The following FAM83H variants were observed in gnomAD, a reference collection of about 807,000 sequenced individuals.
FAM83H encodes the protein scaffolding CK1 anchoring protein H, also known as protein FAM83H.
Under a neutral mutation model 30.2 loss-of-function variants are expected in FAM83H, and 24 were observed. The observed-to-expected ratio is 0.79, with a 90% CI of 0.57 to 1.12. The LOEUF (loss-of-function observed/expected upper bound fraction) is 1.12, where lower values mean the gene tolerates loss of function less well. Ranked by LOEUF, FAM83H falls within the 50% of genes most tolerant of loss-of-function variation. The pLI is 0.00. For missense variants in FAM83H, 2,038 were observed against 1,773.9 expected, an observed-to-expected ratio of 1.15 and a Z score of -2.67; for synonymous variants, 1,013 against 821.7, an observed-to-expected ratio of 1.23 and a Z score of -3.98.
chr8:143,732,909 C>T (rs1457373847), intron 1 of FAM83H, among the ~76,000 whole-genome samples: 1 of 152,014 alleles, frequency 6.6e-6, no homozygotes, highest in Non-Finnish European at 1.5e-5. Flanking sequence ...GGGCCCTCAG[C>T]TGGCCTTCAA....
Position 143,727,030 on chromosome 8 carries a change from C to A in FAM83H, c.2431G>T (p.Ala811Ser), listed in dbSNP as rs1185251087. The change falls in exon 5 of 5, where the codon GCC (alanine) becomes TCC (serine). Residue 811 changes from alanine (A) to serine (S), a missense_variant. By Grantham distance (99) the Ala-to-Ser change is moderately conservative. Transcript: ENST00000388913. The stretch of plus-strand genomic sequence containing the variant: ...AGCTGCGCCGCGGTGAGCGACGCGG[C>A]TCCCGGCTGCCGCTCCGCCTCCTGG... The part of the protein sequence containing the change: ...LHQEAERQPG[A>S]ASLTAAQLLD... 1.9e-6 allele frequency: 3 copies of A among 1,558,766 alleles called. No homozygotes were observed. The highest frequency in any genetic ancestry group is 2.6e-6 in the Non-Finnish European group (3 of 1,157,298).
At chr8:143,731,990 G>A (rs964368019) in intron 1 of FAM83H, 4 of 985,342 alleles carry the variant, frequency 4.1e-6, no homozygotes, top group South Asian at 4.7e-5. Flanking sequence ...GAGGGAGGCA[G>A]GACACCTGTC....
chr8:143,726,292 C>T lies in FAM83H; in HGVS notation c.3169G>A (p.Val1057Ile). ...GTCGGGCCGGGGCTCGGGGCAGGGA[C>T]CGCACGGTGCTTCTGGCCGTGGGCA... ...ISAHGQKHRA[V>I]PAPSPGPTHN... The change falls in exon 5 of 5, where the codon GTC (valine) becomes ATC (isoleucine). Residue 1057 changes from valine (V) to isoleucine (I), a missense_variant. Physicochemically the swap from Val to Ile is conservative, Grantham distance 29. Transcript: ENST00000388913. 6.2e-7 allele frequency: 1 copy of T among 1,612,186 alleles called. No individual in the cohort carries two copies. Among genetic ancestry groups the T allele is most frequent in the South Asian group, 1.1e-5 (1 of 91,024 alleles).
chr8:143,726,841 C>T lies in FAM83H; in HGVS notation c.2620G>A (p.Ala874Thr). 1 of 1,612,994 alleles carries T rather than the reference C, an allele frequency of 6.2e-7. No homozygotes were observed. ...HNESKGSPTSAYPERKGSPTP... is the reference protein window; with the variant it reads ...HNESKGSPTSTYPERKGSPTP... ...GGGCTCCCCTTCCGCTCAGGGTAAG[C>T]CGAGGTGGGGCTCCCTTTTGACTCA... Residue 874 changes from alanine to threonine, a missense_variant, in exon 5 of 5, where the codon GCT (alanine) becomes ACT (threonine). Ala to Thr is a moderately conservative substitution (Grantham distance 58, BLOSUM62 0). Transcript: ENST00000388913.
chr8:143,728,517 C>T lies in FAM83H; in HGVS notation c.944G>A (p.Gly315Glu). 6.4e-7 allele frequency: 1 copy of T among 1,559,982 alleles called. No homozygotes were observed. Among genetic ancestry groups the T allele is most frequent in the Non-Finnish European group, 8.7e-7 (1 of 1,152,274 alleles). Residue 315 changes from glycine (G) to glutamate (E), a missense_variant, in exon 5 of 5, where the codon GGG becomes GAG. By Grantham distance (98) the Gly-to-Glu change is moderately conservative. Coordinates refer to ENST00000388913, the MANE Select transcript of FAM83H (RefSeq NM_198488.5). ...AGGGAAGGAGAAGGGGGTTGGCGCC[C>T]CGACCCCAGGGACGCCCACGAGAGG... The part of the protein sequence containing the change: ...AGPLVGVPGV[G>E]APTPFSFPKR...
At position 143,725,898 on chromosome 8, in the gene FAM83H, C is replaced by T. The variant is rs782613374; in HGVS notation, c.*23G>A. 5.0e-6 allele frequency: 8 copies of T among 1,611,080 alleles called. No individual in the cohort carries two copies. Among genetic ancestry groups the T allele is most frequent in the Non-Finnish European group, 5.1e-6 (6 of 1,179,216 alleles). On this transcript the variant is annotated 3_prime_UTR_variant, in exon 5 of 5. Transcript: ENST00000388913. ...CGGGGCAGCGATGCGGGCACCCTGGCCTGGGTTGCCAGGCCAGAAGACTCA... is the reference window on the plus strand; with the variant it reads ...CGGGGCAGCGATGCGGGCACCCTGGTCTGGGTTGCCAGGCCAGAAGACTCA...
In FAM83H at chr8:143,727,715, A is replaced by AC; in HGVS notation, c.1745dup (p.Leu583PhefsTer122). ...GGCAGCCGCTCAAGTAGGAGGCCAA[A>AC]CGCCAGCGCCGCAGCCCTGCCCGCC... On this transcript the variant is annotated frameshift_variant, in exon 5 of 5. Coordinates refer to ENST00000388913, the MANE Select transcript of FAM83H (RefSeq NM_198488.5). LOFTEE classifies it low-confidence loss of function (END_TRUNC). 1 of 1,546,578 alleles carries AC rather than the reference A, an allele frequency of 6.5e-7. No individual in the cohort carries two copies. The highest frequency in any genetic ancestry group is 8.7e-7 in the Non-Finnish European group (1 of 1,154,878).
chr8:143,729,790 TGCTA>T (rs1279414715), intron 2 of FAM83H, among the ~76,000 whole-genome samples: 1 of 152,244 alleles, frequency 6.6e-6, no homozygotes. Context: ...TTCCGCCGTC[TGCTA>T]GCTGTTTGGT....
chr8:143,727,023 G>C lies in FAM83H; in HGVS notation c.2438C>G (p.Ser813Trp), dbSNP rs782385031. The change falls in exon 5 of 5, where the codon TCG (serine) becomes TGG (tryptophan). Residue 813 changes from serine to tryptophan, a missense_variant. By Grantham distance (177) the Ser-to-Trp change is radical. Transcript: ENST00000388913. Reference protein sequence around the residue: ...QEAERQPGAASLTAAQLLDTL... With the variant: ...QEAERQPGAAWLTAAQLLDTL... ...GTCGAGCAGCTGCGCCGCGGTGAGC[G>C]ACGCGGCTCCCGGCTGCCGCTCCGC... 6.4e-7 allele frequency: 1 copy of C among 1,565,342 alleles called. No homozygotes were observed.
Position 143,728,277 on chromosome 8 carries a change from C to G in FAM83H, c.1184G>C (p.Gly395Ala), listed in dbSNP as rs1445274072. 47 of 1,517,318 alleles carry G rather than the reference C, an allele frequency of 3.1e-5. No homozygotes were observed. The highest frequency in any genetic ancestry group is 4.0e-5 in the Non-Finnish European group (45 of 1,136,254). 94.0% of individuals were successfully genotyped at this position (1,517,318 alleles called of 1,614,324 possible). A position where few individuals can be genotyped will look rare whatever the true frequency, so the allele number is the denominator to read the frequency against. ...GPAGELAGAR[G>A]FFQARHLEMD... Reference sequence around the variant, plus strand: ...CTCCAGGTGCCGCGCCTGGAAGAAGCCCCGCGCGCCCGCGAGCTCCCCAGC... The same window carrying G: ...CTCCAGGTGCCGCGCCTGGAAGAAGGCCCGCGCGCCCGCGAGCTCCCCAGC... Residue 395 changes from glycine to alanine, a missense_variant, in exon 5 of 5, where the codon GGC (glycine) becomes GCC (alanine). Gly to Ala is a moderately conservative substitution (Grantham distance 60). Coordinates refer to ENST00000388913, the MANE Select transcript of FAM83H (RefSeq NM_198488.5).
rs372449536 is a variant in FAM83H, at chr8:143,726,841, C to A, written c.2620G>T (p.Ala874Ser). The change falls in exon 5 of 5, where the codon GCT becomes TCT. Residue 874 changes from alanine to serine, a missense_variant. Ala to Ser is a moderately conservative substitution (Grantham distance 99). Transcript: ENST00000388913. ...HNESKGSPTS[A>S]YPERKGSPTP... ...GGGCTCCCCTTCCGCTCAGGGTAAG[C>A]CGAGGTGGGGCTCCCTTTTGACTCA... The A allele has an allele frequency of 5.0e-6, 8 of 1,612,876 alleles. No homozygotes were observed. The African/African-American group carries it at 1.1e-4, about 22-fold the overall frequency.
chr8:143,726,923 T>G lies in FAM83H; in HGVS notation c.2538A>C (p.Gln846His). Residue 846 changes from glutamine (Q) to histidine (H), a missense_variant, in exon 5 of 5, where the codon CAA (glutamine) becomes CAC (histidine). By Grantham distance (24) the Gln-to-His change is conservative. Coordinates refer to ENST00000388913, the MANE Select transcript of FAM83H (RefSeq NM_198488.5). The part of the protein sequence containing the change: ...LSAQSHSTSP[Q>H]GLDSPLPLEG... The stretch of plus-strand genomic sequence containing the variant: ...CCAGCGGCAGAGGGCTGTCCAGCCC[T>G]TGCGGGGACGTTGAGTGGCTCTGGG... The G allele has an allele frequency of 6.2e-7, 1 of 1,612,118 alleles. No individual in the cohort carries two copies. The highest frequency in any genetic ancestry group is 2.2e-5 in the East Asian group (1 of 44,856).
Position 143,727,155 on chromosome 8 carries a change from C to T in FAM83H, c.2306G>A (p.Trp769Ter). ...ACCTGGGGCCGCCACCTCTTCCCGC[C>T]ACGCCTGGGACACGACGGCCTTGCT... Reference protein sequence around the residue: ...SHSKAVVSQAWREEVAAPGAV... With the variant: ...SHSKAVVSQA Residue 769 changes from tryptophan (W) to a stop codon, truncating the protein, a stop_gained, in exon 5 of 5, where the codon TGG becomes TAG. Transcript: ENST00000388913. LOFTEE classifies it low-confidence loss of function (END_TRUNC). 6.5e-7 allele frequency: 1 copy of T among 1,534,620 alleles called. No homozygotes were observed. Among genetic ancestry groups the T allele is most frequent in the Non-Finnish European group, 8.7e-7 (1 of 1,146,264 alleles).
In FAM83H at chr8:143,729,013, TCTC is replaced by T; in HGVS notation, c.688_690del (p.Glu230del). 6.2e-7 allele frequency: 1 copy of T among 1,613,484 alleles called. No homozygotes were observed. The highest frequency in any genetic ancestry group is 8.5e-7 in the Non-Finnish European group (1 of 1,179,936). On this transcript the variant is annotated inframe_deletion, in exon 4 of 5. Transcript: ENST00000388913. ...ACGGCACAGTCCACCAGCAGGAACT[TCTC>T]CTTGACGTGGCCCTTGAAGGACTTC...
chr8:143,726,000 G>A lies in FAM83H; in HGVS notation c.3461C>T (p.Pro1154Leu), dbSNP rs782643409. ...GCTGTCCCTGGTGCCCTCCTCCGCG[G>A]GGCCTTCCCCTGCCCCAGGGCTGCT... ...EASSPGAGEG[P>L]AEEGTRDSKV... Residue 1154 changes from proline to leucine, a missense_variant, in exon 5 of 5, where the codon CCC becomes CTC. Physicochemically the swap from Pro to Leu is moderately conservative, Grantham distance 98. Coordinates refer to ENST00000388913, the MANE Select transcript of FAM83H (RefSeq NM_198488.5). 4 of 1,613,068 alleles carry A rather than the reference G, an allele frequency of 2.5e-6. No individual in the cohort carries two copies. The Admixed American group carries it at 5.0e-5, about 20-fold the overall frequency.
Position 143,730,187 on chromosome 8 carries a change from G to T in FAM83H, c.396C>A (p.Asp132Glu). The T allele has an allele frequency of 6.2e-7, 1 of 1,609,180 alleles. No homozygotes were observed. The highest frequency in any genetic ancestry group is 8.5e-7 in the Non-Finnish European group (1 of 1,176,782). The change falls in exon 2 of 5, where the codon GAC (aspartate) becomes GAA (glutamate). Residue 132 changes from aspartate to glutamate, a missense_variant. Asp to Glu is a conservative substitution (Grantham distance 45, BLOSUM62 2). Transcript: ENST00000388913. Reference protein sequence around the residue: ...VTTLVQPPPPDSPSIKDEARR... With the variant: ...VTTLVQPPPPESPSIKDEARR... The stretch of plus-strand genomic sequence containing the variant: ...GGGCCTCATCCTTGATACTGGGGCT[G>T]TCGGGGGGCGGTGGCTGCACCAAGG...
chr8:143,726,178 G>T lies in FAM83H; in HGVS notation c.3283C>A (p.Arg1095Ser), dbSNP rs377125756. The change falls in exon 5 of 5, where the codon CGC becomes AGC. Residue 1095 changes from arginine to serine, a missense_variant. Transcript: ENST00000388913. The stretch of plus-strand genomic sequence containing the variant: ...CCCTGGGTCCCCAAGCTGTCCGAGC[G>T]GAAGATGGCTGAACACTTGTCCTTG... ...SDKDKCSAIF[R>S]SDSLGTQGRL... The T allele has an allele frequency of 6.2e-7, 1 of 1,612,258 alleles. No homozygotes were observed. Among genetic ancestry groups the T allele is most frequent in the South Asian group, 1.1e-5 (1 of 91,040 alleles).
rs782126369 is a variant in FAM83H at position 143,729,019 on chromosome 8, T to G, written c.685A>C (p.Lys229Gln). ...RTGKSFKGHV[K>Q]EKFLLVDCAV... ...CAGTCCACCAGCAGGAACTTCTCCT[T>G]GACGTGGCCCTTGAAGGACTTCCCA... Residue 229 changes from lysine to glutamine, a missense_variant, in exon 4 of 5, where the codon AAG (lysine) becomes CAG (glutamine). Physicochemically the swap from Lys to Gln is moderately conservative, Grantham distance 53 (BLOSUM62 1). Transcript: ENST00000388913. The G allele has an allele frequency of 3.1e-6, 5 of 1,613,638 alleles. No homozygotes were observed. In the South Asian group the frequency reaches 5.5e-5, roughly 18 times the overall value.
Position 143,724,205 on chromosome 8 carries a change from C to G in FAM83H, c.*1716G>C, listed in dbSNP as rs978689666. 6.6e-6 allele frequency: 1 copy of G among 152,262 alleles called. No homozygotes were observed. Among genetic ancestry groups the G allele is most frequent in the Non-Finnish European group, 1.5e-5 (1 of 68,050 alleles). 9.4% of individuals were successfully genotyped at this position (152,262 alleles called of 1,614,324 possible). ...TGGCCAGAAGTCCCTGCTGTCATCCCGACTTGCACGGTGGTTTTGGTAACC... is the reference window on the plus strand; with the variant it reads ...TGGCCAGAAGTCCCTGCTGTCATCCGGACTTGCACGGTGGTTTTGGTAACC... On this transcript the variant is annotated 3_prime_UTR_variant, in exon 5 of 5. Coordinates refer to ENST00000388913, the MANE Select transcript of FAM83H (RefSeq NM_198488.5).
Sources: allele counts gnomAD v4.1 joint callset (sites outside exome capture counted in the v4.1 genomes callset), GRCh38; gene constraint gnomAD v4.1.1; transcripts MANE v1.5; gene names NCBI Gene and HGNC (gene_info 2026-07-23, HGNC 2026-07-21).